Variants in RAPGEF6 observed in about 807,000 individuals in gnomAD.
The protein encoded by RAPGEF6 is PDZ domain containing guanine nucleotide exchange factor (GEF) 2.
A neutral mutation model predicts 171.4 loss-of-function variants in RAPGEF6; 56 were observed. The observed-to-expected ratio is 0.33, with a 90% CI of 0.26 to 0.41. RAPGEF6 has a LOEUF of 0.41. Ranked by LOEUF, RAPGEF6 falls within the 10% of genes least tolerant of loss-of-function variation. RAPGEF6 has a pLI of 1.00. For synonymous variants in RAPGEF6, 692 were observed against 650.1 expected (o/e 1.06, Z -0.98); for missense variants, 1,674 against 1,921.4 (o/e 0.87, Z 2.41).
chr5:131,591,846 C>T (rs1033648041), intron 4 of RAPGEF6, among the ~76,000 whole-genome samples: 1 of 152,056 alleles, frequency 6.6e-6, no homozygotes, highest in African/African-American at 2.4e-5. Context: ...CAGATCAAAT[C>T]GTACATAAAA....
At chr5:131,508,524 T>C (rs1314056370) in intron 8 of RAPGEF6, among the ~76,000 whole-genome samples, 1 of 152,220 alleles carries the variant, frequency 6.6e-6, no homozygotes. Context: ...ATGGGTTTAG[T>C]TATGGCCTTT....
In RAPGEF6 at chr5:131,449,667, T is replaced by C. The variant is rs551341584; in HGVS notation, c.3201-2964A>G. Among the ~76,000 whole-genome samples the C allele has an allele frequency of 1.2e-4, 18 of 152,288 alleles. 1 individual carries two copies. In the South Asian group the frequency reaches 3.7e-3, roughly 32 times the overall value. On this transcript the variant is annotated intron_variant, in intron 21 of 27. Transcript: ENST00000509018. ...TCCATACTATGGAAAGAAAAGTATC[T>C]CCTTTATAGGGTAGTAGTAGAATTA...
intron 11 of RAPGEF6, 42 bp from the exon 12 acceptor site, chr5:131,498,649 G>A: frequency 6.4e-7 from 1 of 1,567,276 alleles, no homozygotes; most frequent in South Asian, 1.1e-5. Flanking sequence ...ATAAACAAAT[G>A]ACCCAAGAAC....
intron 8 of RAPGEF6, among the ~76,000 whole-genome samples, chr5:131,509,674 T>C (rs1757597170): frequency 6.6e-6 from 1 of 152,208 alleles, no homozygotes; most frequent in Non-Finnish European, 1.5e-5. Flanking sequence ...ACTATGCTTG[T>C]GCTTTAAATG....
At chr5:131,547,032 C>T (rs756102932) in intron 6 of RAPGEF6, among the ~76,000 whole-genome samples, 1 of 152,128 alleles carries the variant, frequency 6.6e-6, no homozygotes, top group Non-Finnish European at 1.5e-5. Context: ...ATAGTGAGAA[C>T]AGGAAATAAA....
In RAPGEF6 at chr5:131,429,063, T is replaced by A. The variant is rs898285861; in HGVS notation, c.4619A>T (p.Lys1540Met). Residue 1540 changes from lysine to methionine, a missense_variant, in exon 27 of 28, where the codon AAG becomes ATG. By Grantham distance (95) the Lys-to-Met change is moderately conservative (BLOSUM62 -1). Coordinates refer to ENST00000509018, the MANE Select transcript of RAPGEF6 (RefSeq NM_016340.6). Reference sequence around the variant, plus strand: ...TCTAGAGAGGCTGTTATGCATCATCTTTGACCTCTGCACTGCCACACTATA... The same window carrying A: ...TCTAGAGAGGCTGTTATGCATCATCATTGACCTCTGCACTGCCACACTATA... ...PDYSVAVQRS[K>M]MMHNSLSRLP... 3.1e-6 allele frequency: 5 copies of A among 1,614,050 alleles called. No individual in the cohort carries two copies. The highest frequency in any genetic ancestry group is 4.5e-5 in the East Asian group (2 of 44,892).
rs768541672 is a variant in RAPGEF6 at position 131,510,426 on chromosome 5, C to T, written c.693G>A (p.Glu231=). 2.5e-6 allele frequency: 4 copies of T among 1,614,098 alleles called. No individual in the cohort carries two copies. In the South Asian group the frequency reaches 4.4e-5, roughly 18 times the overall value. Residue 231 remains glutamate (E), a synonymous_variant, in exon 8 of 28, where the codon GAG becomes GAA. Transcript: ENST00000509018. The stretch of plus-strand genomic sequence containing the variant: ...TCTCTTCATCTTCCTCTTCGTCATC[C>T]TCAGAATCAACAGGTCCTTCTGGAA... ...TRLPEGPVDS[E]DDEEEDEEID...
At chr5:131,583,151 A>G (rs371317135) in intron 4 of RAPGEF6, among the ~76,000 whole-genome samples, 2 of 152,296 alleles carry the variant, frequency 1.3e-5, no homozygotes. Context: ...TAAACTAACA[A>G]TAAAATCCTA....
intron 22 of RAPGEF6, 117 bp downstream of exon 22, chr5:131,446,366 C>T (rs1752689859): frequency 1.1e-6 from 1 of 950,624 alleles, no homozygotes; most frequent in Non-Finnish European, 1.5e-6. Flanking sequence ...TTAAGGTATG[C>T]CAGCAATCTT....
At chr5:131,539,255 G>T (rs1375961823) in intron 6 of RAPGEF6, among the ~76,000 whole-genome samples, 1 of 152,074 alleles carries the variant, frequency 6.6e-6, no homozygotes, top group African/African-American at 2.4e-5. Context: ...AAGTACTTAT[G>T]AAATACCATA....
At chr5:131,518,871 C>G (rs1465676767) in intron 7 of RAPGEF6, among the ~76,000 whole-genome samples, 3 of 151,990 alleles carry the variant, frequency 2.0e-5, no homozygotes, top group Admixed American at 2.0e-4. Flanking sequence ...TTTTCATGCT[C>G]TCTAAATTCA....
intron 5 of RAPGEF6, among the ~76,000 whole-genome samples, chr5:131,559,441 T>A (rs758695111): frequency 3.9e-5 from 6 of 152,226 alleles, no homozygotes; most frequent in Non-Finnish European, 7.3e-5. Context: ...TGAAGGCATG[T>A]AAAGCTTCAG....
intron 5 of RAPGEF6, among the ~76,000 whole-genome samples, chr5:131,549,618 A>G (rs1301412346): frequency 2.0e-5 from 3 of 151,946 alleles, no homozygotes; most frequent in African/African-American, 7.3e-5. Context: ...TGCTGGGGCG[A>G]GAGTATCACT....
At chr5:131,507,318 C>T (rs542052029) in intron 9 of RAPGEF6, among the ~76,000 whole-genome samples, 1 of 151,728 alleles carries the variant, frequency 6.6e-6, no homozygotes, top group Non-Finnish European at 1.5e-5. Flanking sequence ...TCAGGTTAGA[C>T]ACTCAGAAGT....
rs1764214213 is a variant in RAPGEF6, at chr5:131,601,054, G to A, written c.197+2217C>T. Among the ~76,000 whole-genome samples, 3 of 147,768 alleles carry A rather than the reference G, an allele frequency of 2.0e-5. No individual in the cohort carries two copies. The Admixed American group carries it at 2.1e-4, about 10-fold the overall frequency. On this transcript the variant is annotated intron_variant, in intron 3 of 27. Transcript: ENST00000509018. ...CTCTTGAGCCTAGGAGTTCAAGACTGGCCTGGGCAACGCAAGAAAACTCCA... is the reference window on the plus strand; with the variant it reads ...CTCTTGAGCCTAGGAGTTCAAGACTAGCCTGGGCAACGCAAGAAAACTCCA...
chr5:131,605,337 T>C (rs1278610580), intron 1 of RAPGEF6, among the ~76,000 whole-genome samples: 1 of 152,084 alleles, frequency 6.6e-6, no homozygotes, highest in Non-Finnish European at 1.5e-5. Flanking sequence ...AGTCTATAGA[T>C]CCCTAACAGC....
At chr5:131,433,713 G>A in intron 24 of RAPGEF6, 55 bp from the exon 25 acceptor site, 1 of 1,309,434 alleles carries the variant, frequency 7.6e-7, no homozygotes, top group Non-Finnish European at 1.1e-6. Context: ...ATATGGTGGG[G>A]GTAGTAGGGG....
At chr5:131,627,649 T>A (rs931509870) in intron 1 of RAPGEF6, among the ~76,000 whole-genome samples, 4 of 152,202 alleles carry the variant, frequency 2.6e-5, no homozygotes, top group African/African-American at 9.6e-5. Context: ...CTTTAAGGAA[T>A]TCTGGCATAA....
intron 19 of RAPGEF6, among the ~76,000 whole-genome samples, chr5:131,460,749 T>C (rs1335237601): frequency 1.3e-5 from 2 of 152,182 alleles, no homozygotes; most frequent in Non-Finnish European, 2.9e-5. Flanking sequence ...GAGTGTTCAG[T>C]TCAGTTGTAG....
Sources: allele counts gnomAD v4.1 joint callset (sites outside exome capture counted in the v4.1 genomes callset), GRCh38; gene constraint gnomAD v4.1.1; transcripts MANE v1.5; gene names NCBI Gene and HGNC (gene_info 2026-07-23, HGNC 2026-07-21).